Variants in ABAT observed in about 807,000 individuals in gnomAD.
ABAT encodes the protein 4-aminobutyrate aminotransferase, mitochondrial.
A neutral mutation model predicts 64.6 loss-of-function variants in ABAT; 45 were observed. That is an observed-to-expected ratio of 0.70 (90% CI 0.55 to 0.89). ABAT has a LOEUF of 0.89. Among genes scored for constraint, ABAT ranks in the 40% least tolerant of loss-of-function variants. The pLI, the probability that ABAT is intolerant of heterozygous loss-of-function variation, is 0.00. For missense variants in ABAT, 633 were observed against 658.4 expected, an observed-to-expected ratio of 0.96 and a Z score of 0.42; for synonymous variants, 297 against 250.5, an observed-to-expected ratio of 1.19 and a Z score of -1.75.
At chr16:8,686,317 G>C (rs755286793) in intron 1 of ABAT, among the ~76,000 whole-genome samples, 2 of 152,242 alleles carry the variant, frequency 1.3e-5, no homozygotes, top group Non-Finnish European at 2.9e-5. Flanking sequence ...GTCCAGTCCT[G>C]CAAGGGGCTG....
At chr16:8,747,457 T>C (rs1055004184) in intron 3 of ABAT, among the ~76,000 whole-genome samples, 1 of 152,204 alleles carries the variant, frequency 6.6e-6, no homozygotes, top group Admixed American at 6.5e-5. Context: ...TGCATGTTTC[T>C]ATTGGGGAGA....
chr16:8,687,725 A>T (rs1469457427), intron 1 of ABAT, among the ~76,000 whole-genome samples: 2 of 152,154 alleles, frequency 1.3e-5, no homozygotes, highest in Non-Finnish European at 2.9e-5. Flanking sequence ...AGATCAGGGG[A>T]AAGTCCTGAG....
chr16:8,698,210 T>C (rs918775838), intron 1 of ABAT, among the ~76,000 whole-genome samples: 5 of 152,192 alleles, frequency 3.3e-5, no homozygotes, highest in Admixed American at 3.3e-4. Context: ...GGAGGAGTGG[T>C]TGAGAATAAC....
At chr16:8,749,484 C>T (rs757794111) in intron 4 of ABAT, among the ~76,000 whole-genome samples, 18 of 141,264 alleles carry the variant, frequency 1.3e-4, no homozygotes, top group Non-Finnish European at 2.6e-4. Context: ...CTGCAACATC[C>T]GCCTCCTGGG....
At chr16:8,742,918 C>T (rs944779620) in intron 2 of ABAT, among the ~76,000 whole-genome samples, 1 of 146,382 alleles carries the variant, frequency 6.8e-6, no homozygotes, top group Non-Finnish European at 1.5e-5. Flanking sequence ...TGCCTGTAGT[C>T]CTAGCTACGT....
rs146981074 is a variant in ABAT, at chr16:8,750,327, C to T, written c.199-95C>T. On this transcript the variant is annotated intron_variant, in intron 4 of 15. Transcript: ENST00000268251. ...GCCTCTGTGTGTCCACAGATAGTCA[C>T]GATATGGTGTACTTCACTGATTCAA... 4.1e-4 allele frequency: 438 copies of T among 1,077,594 alleles called. 2 individuals are homozygous for T. The African/African-American group carries it at 6.0e-3, about 15-fold the overall frequency. The allele number at this position is 1,077,594 out of a possible 1,614,324, so 66.8% of individuals were successfully genotyped here.
At chr16:8,745,772 C>A (rs1209579541) in intron 2 of ABAT, among the ~76,000 whole-genome samples, 4 of 152,184 alleles carry the variant, frequency 2.6e-5, no homozygotes, top group African/African-American at 9.7e-5. Flanking sequence ...AGGAGCATGC[C>A]TATTTGCCTA....
chr16:8,724,354 C>G (rs982314643), intron 1 of ABAT, among the ~76,000 whole-genome samples: 2 of 152,160 alleles, frequency 1.3e-5, no homozygotes, highest in Non-Finnish European at 2.9e-5. Flanking sequence ...TCTTTTTGTT[C>G]GCTGCTCCAA....
chr16:8,757,155 G>A (rs541577393), intron 5 of ABAT: 2 of 454,130 alleles, frequency 4.4e-6, no homozygotes, highest in East Asian at 7.0e-5. Flanking sequence ...AAATTTTCTT[G>A]CATTTATCTC....
At chr16:8,751,137 CG>C (rs1265634813) in intron 5 of ABAT, among the ~76,000 whole-genome samples, 1 of 151,806 alleles carries the variant, frequency 6.6e-6, no homozygotes, top group Non-Finnish European at 1.5e-5. Context: ...TTAGTAGAGA[CG>C]GGGTTTTACC....
intron 1 of ABAT, chr16:8,720,912 C>T (rs887046619): frequency 3.9e-5 from 6 of 152,226 alleles, no homozygotes; most frequent in Non-Finnish European, 5.9e-5. Context: ...TTCACAGGAC[C>T]TGGGAAGCAG....
At chr16:8,751,238 T>C (rs1259827487) in intron 5 of ABAT, among the ~76,000 whole-genome samples, 4 of 152,050 alleles carry the variant, frequency 2.6e-5, no homozygotes. Flanking sequence ...TGTGAGCCAC[T>C]ATACCCAGCC....
chr16:8,706,404 CAAAA>C (rs56329419), intron 1 of ABAT, among the ~76,000 whole-genome samples: 17 of 95,052 alleles, frequency 1.8e-4, no homozygotes, highest in African/African-American at 7.7e-4. Flanking sequence ...GACCCTGTTT[CAAAA>C]AAAAAAAAAA....
intron 1 of ABAT, among the ~76,000 whole-genome samples, chr16:8,694,277 C>A (rs1018590215): frequency 1.3e-5 from 2 of 152,008 alleles, no homozygotes; most frequent in African/African-American, 2.4e-5. Context: ...CCCGCCTCGG[C>A]CTTCCAAAGT....
At chr16:8,734,935 C>T (rs1010930781) in intron 1 of ABAT, among the ~76,000 whole-genome samples, 12 of 151,984 alleles carry the variant, frequency 7.9e-5, no homozygotes, top group East Asian at 5.8e-4. Context: ...GGGCTGGACA[C>T]AGTGGTTCAT....
intron 6 of ABAT, 141 bp downstream of exon 6, chr16:8,757,947 A>G: frequency 1.0e-6 from 1 of 1,000,526 alleles, no homozygotes; most frequent in Admixed American, 2.0e-5. Flanking sequence ...TGTGCCAGGT[A>G]TGTGGCATGC....
Position 8,781,406 on chromosome 16 carries a change from T to C in ABAT, c.1479T>C (p.Ser493=). ...CTCACCTGTTCCTCAATATTTTCAG[T>C]GACATCTTAGCAGACTTCAAGTAAA... The part of the protein sequence containing the change: ...HHAHLFLNIF[S]DILADFK Residue 493 remains serine, a synonymous_variant, in exon 16 of 16, where the codon AGT becomes AGC. Transcript: ENST00000268251. This position sits in a 1 kb window ranked among gnomAD's most constrained non-coding sequence, Gnocchi z 4.5. 2 of 1,614,198 alleles carry C rather than the reference T, an allele frequency of 1.2e-6. No individual in the cohort carries two copies. The highest frequency in any genetic ancestry group is 1.7e-6 in the Non-Finnish European group (2 of 1,180,040).
At chr16:8,725,501 C>T (rs941454894) in intron 1 of ABAT, among the ~76,000 whole-genome samples, 1 of 152,220 alleles carries the variant, frequency 6.6e-6, no homozygotes, top group Non-Finnish European at 1.5e-5. Flanking sequence ...ATTCATATAG[C>T]ATAAAAAATA....
intron 3 of ABAT, 50 bp downstream of exon 3, chr16:8,746,148 C>T (rs746056505): frequency 1.6e-5 from 23 of 1,450,156 alleles, no homozygotes; most frequent in Non-Finnish European, 2.1e-5. Context: ...GAAAAAGGCG[C>T]CTAAGAAGCA....
Sources: allele counts gnomAD v4.1 joint callset (sites outside exome capture counted in the v4.1 genomes callset), GRCh38; gene constraint gnomAD v4.1.1; non-coding constraint Gnocchi (gnomAD v3.1); transcripts MANE v1.5; gene names NCBI Gene and HGNC (gene_info 2026-07-23, HGNC 2026-07-21).